REXO5: variants seen among roughly 807,000 people sequenced by gnomAD.
REXO5 encodes RNA exonuclease 5.
Under a neutral mutation model 88.5 loss-of-function variants are expected in REXO5, and 48 were observed. That is an observed-to-expected ratio of 0.54 (90% CI 0.43 to 0.69). The LOEUF is 0.69. Among genes scored for constraint, REXO5 ranks in the 30% least tolerant of loss-of-function variants. REXO5 has a pLI of 0.00. For missense variants in REXO5, 749 were observed against 912.2 expected (o/e 0.82, Z 2.30); for synonymous variants, 311 against 336.5 (o/e 0.92, Z 0.83).
At chr16:20,840,014 G>A in intron 14 of REXO5, 155 bp downstream of exon 14, 1 of 607,226 alleles carries the variant, frequency 1.6e-6, no homozygotes, top group Non-Finnish European at 2.8e-6. Context: ...TTATGAAAAT[G>A]GGAATCAGAC....
At chr16:20,813,164 T>G (rs2081026475) in intron 2 of REXO5, 26 bp from the exon 3 acceptor site, 1 of 1,456,584 alleles carries the variant, frequency 6.9e-7, no homozygotes, top group Middle Eastern at 1.7e-4. Flanking sequence ...AATAATGGCT[T>G]GCTACGCCCT....
chr16:20,819,562 C>A (rs1460566409), intron 5 of REXO5, among the ~76,000 whole-genome samples: 1 of 150,838 alleles, frequency 6.6e-6, no homozygotes. Context: ...TGGAGACCAG[C>A]CTGACCAACA....
At chr16:20,832,858 A>C in intron 12 of REXO5, 145 bp from the exon 13 acceptor site, 96 of 585,680 alleles carry the variant, frequency 1.6e-4, no homozygotes, top group Middle Eastern at 5.6e-4. Context: ...CAGTTGAGGA[A>C]CTGAATTTTT....
chr16:20,810,190 ATG>A (rs1402858075), intron 2 of REXO5, among the ~76,000 whole-genome samples: 4 of 152,204 alleles, frequency 2.6e-5, no homozygotes, highest in African/African-American at 9.6e-5. Context: ...TTTGGGTGCT[ATG>A]GTGATGTTAA....
At chr16:20,807,321 GTAATT>G (rs2080901481) in intron 2 of REXO5, 2 of 546,536 alleles carry the variant, frequency 3.7e-6, no homozygotes, top group Non-Finnish European at 6.4e-6. Flanking sequence ...GCTCATGCCT[GTAATT>G]CCAGCACTTT....
chr16:20,808,077 G>A lies in REXO5; in HGVS notation c.138+986G>A, dbSNP rs377483108. Among the ~76,000 whole-genome samples, 55 of 152,246 alleles carry A rather than the reference G, an allele frequency of 3.6e-4. 1 individual carries two copies. In the East Asian group the frequency reaches 7.3e-3, roughly 20 times the overall value. On this transcript the variant is annotated intron_variant, in intron 2 of 19. Coordinates refer to ENST00000261377, the MANE Select transcript of REXO5 (RefSeq NM_030941.3). ...GAGCCCTATTGTGAACTTTGCATAC[G>A]AGGGTCCTAGGTGGCATGCTGCTTA...
intron 13 of REXO5, among the ~76,000 whole-genome samples, chr16:20,837,911 A>C (rs1381714510): frequency 6.6e-6 from 1 of 151,968 alleles, no homozygotes; most frequent in East Asian, 1.9e-4. Context: ...GACTACAGGC[A>C]TGTGCCACCA....
At chr16:20,812,467 G>C (rs1196771254) in intron 2 of REXO5, among the ~76,000 whole-genome samples, 1 of 152,180 alleles carries the variant, frequency 6.6e-6, no homozygotes, top group Non-Finnish European at 1.5e-5. Flanking sequence ...AGAGGTTGTA[G>C]TGAGCAAAGA....
At position 20,839,784 on chromosome 16, in the gene REXO5, CCT is replaced by C. The variant is rs867314087; in HGVS notation, c.1414_1415del (p.Leu472ValfsTer11). The part of the protein sequence containing the change: ...VLEQARVEIP[L>X]FPFSIVQFSF... ...TTGAGCAGGCCAGAGTGGAAATCCC[CCT>C]GTTTCCCTTCAGCATTGTTCAGTTC... On this transcript the variant is annotated frameshift_variant, in exon 14 of 20. Transcript: ENST00000261377. LOFTEE classifies it high-confidence loss of function. 4.0e-5 allele frequency: 64 copies of C among 1,613,744 alleles called. No homozygotes were observed. The highest frequency in any genetic ancestry group is 6.7e-5 in the Admixed American group (4 of 59,988).
chr16:20,828,122 G>C (rs1331083048), intron 10 of REXO5, among the ~76,000 whole-genome samples: 2 of 152,184 alleles, frequency 1.3e-5, no homozygotes, highest in African/African-American at 4.8e-5. Context: ...ACAATGGTTA[G>C]ATCTGAGAAA....
At position 20,806,941 on chromosome 16, in the gene REXO5, T is replaced by C. The variant is rs1268857650; in HGVS notation, c.-2-11T>C. 6.3e-7 allele frequency: 1 copy of C among 1,577,234 alleles called. No individual in the cohort carries two copies. Among genetic ancestry groups the C allele is most frequent in the East Asian group, 2.3e-5 (1 of 43,230 alleles). On this transcript the variant is annotated splice_polypyrimidine_tract_variant and intron_variant, in intron 1 of 19. Transcript: ENST00000261377. Reference sequence around the variant, plus strand: ...GGAGTTTCCCCAGCTCTACCTCATCTTTCTCCACAGCCATGGAGCCAGAGA... The same window carrying C: ...GGAGTTTCCCCAGCTCTACCTCATCCTTCTCCACAGCCATGGAGCCAGAGA...
rs1596567173 is a variant in REXO5, at chr16:20,813,311, T to C, written c.251+9T>C. On this transcript the variant is annotated intron_variant, in intron 3 of 19. Coordinates refer to ENST00000261377, the MANE Select transcript of REXO5 (RefSeq NM_030941.3). Reference sequence around the variant, plus strand: ...AATGTTCCAAAACCCAGGTATGAGATGAATTTAAATGGTGGGTATTGACCA... The same window carrying C: ...AATGTTCCAAAACCCAGGTATGAGACGAATTTAAATGGTGGGTATTGACCA... 1 of 1,527,884 alleles carries C rather than the reference T, an allele frequency of 6.5e-7. No individual in the cohort carries two copies. Among genetic ancestry groups the C allele is most frequent in the East Asian group, 2.3e-5 (1 of 44,444 alleles). 94.6% of individuals were successfully genotyped at this position (1,527,884 alleles called of 1,614,324 possible). A position where few individuals can be genotyped will look rare whatever the true frequency, so the allele number is the denominator to read the frequency against.
At chr16:20,822,040 A>G in intron 6 of REXO5, 138 bp downstream of exon 6, 2 of 870,624 alleles carry the variant, frequency 2.3e-6, no homozygotes, top group Non-Finnish European at 1.6e-6. Context: ...TAATGAGGAA[A>G]TATCTTCGGC....
chr16:20,826,431 A>G (rs1030211382), intron 8 of REXO5, among the ~76,000 whole-genome samples: 36 of 152,378 alleles, frequency 2.4e-4, no homozygotes, highest in African/African-American at 7.7e-4. Flanking sequence ...ACACACAGTG[A>G]CTAGGCAAGA....
At chr16:20,822,393 A>T (rs1883907279) in intron 6 of REXO5, among the ~76,000 whole-genome samples, 1 of 152,172 alleles carries the variant, frequency 6.6e-6, no homozygotes, top group South Asian at 2.1e-4. Context: ...GTTACCTCCT[A>T]ATTATAGCAA....
intron 10 of REXO5, 47 bp from the exon 11 acceptor site, chr16:20,828,388 A>G (rs1252885782): frequency 1.8e-6 from 2 of 1,120,108 alleles, no homozygotes; most frequent in Non-Finnish European, 2.7e-6. Context: ...GAAAAAGCCT[A>G]TCATTAAAAG....
chr16:20,839,989 C>G, intron 14 of REXO5, 130 bp downstream of exon 14: 2 of 631,356 alleles, frequency 3.2e-6, no homozygotes, highest in South Asian at 2.5e-5. Context: ...TGCATATTAA[C>G]ATTTAAAAAT....
At chr16:20,839,902 T>C (rs757995911) in intron 14 of REXO5, 43 bp downstream of exon 14, 2 of 1,224,668 alleles carry the variant, frequency 1.6e-6, no homozygotes, top group Admixed American at 3.8e-5. Context: ...TAGTGACTTA[T>C]TATAACCTCT....
intron 5 of REXO5, among the ~76,000 whole-genome samples, chr16:20,820,370 T>G (rs2081150706): frequency 6.6e-6 from 1 of 151,386 alleles, no homozygotes; most frequent in Admixed American, 6.6e-5. Flanking sequence ...CTTGAGCAAA[T>G]ATTGTTTGAA....
Sources: allele counts gnomAD v4.1 joint callset (sites outside exome capture counted in the v4.1 genomes callset), GRCh38; gene constraint gnomAD v4.1.1; transcripts MANE v1.5; gene names NCBI Gene and HGNC (gene_info 2026-07-23, HGNC 2026-07-21).